RPS6KA2: variants seen among roughly 807,000 people sequenced by gnomAD.
The protein encoded by RPS6KA2 is ribosomal protein S6 kinase alpha-2.
A neutral mutation model predicts 91.8 loss-of-function variants in RPS6KA2; 42 were observed. The ratio of observed to expected loss-of-function variants is 0.46; its 90% CI spans 0.36 to 0.59. The LOEUF (loss-of-function observed/expected upper bound fraction) is 0.59. Among genes scored for constraint, RPS6KA2 ranks in the 20% least tolerant of loss-of-function variants. The pLI, the probability that RPS6KA2 is intolerant of heterozygous loss-of-function variation, is 0.00. For missense variants in RPS6KA2, 798 were observed against 978.5 expected (o/e 0.82, Z 2.46); for synonymous variants, 414 against 393.6 (o/e 1.05, Z -0.61).
rs892271119 is a variant in RPS6KA2, at chr6:166,571,962, A to C, written c.100-33178T>G. Among the ~76,000 whole-genome samples, 7 of 152,314 alleles carry C rather than the reference A, an allele frequency of 4.6e-5. No homozygotes were observed. The South Asian group carries it at 6.2e-4, about 14-fold the overall frequency. On this transcript the variant is annotated intron_variant, in intron 1 of 20. Transcript: ENST00000265678. ...TAGTGAAGAACAGTGGGGGGAATAA[A>C]ACCCTTACATCTTCTATATTGTCTT... is the stretch of plus-strand genomic sequence containing the variant.
At position 166,822,225 on chromosome 6, in the gene RPS6KA2, T is replaced by A. The variant is rs572449088; in HGVS notation, c.123+35975A>T. On this transcript the variant is annotated intron_variant, in intron 2 of 21. Transcript: ENST00000503859. The stretch of plus-strand genomic sequence containing the variant: ...GATATGTCCCTGCAAACTTCCTGCA[T>A]TGAAGTCCCGACTCCCAGCGCCTCA... 2.0e-5 allele frequency among the ~76,000 whole-genome samples: 3 copies of A among 152,338 alleles called. 1 individual carries two copies. In the South Asian group the frequency reaches 6.2e-4, roughly 32 times the overall value.
intron 2 of RPS6KA2, among the ~76,000 whole-genome samples, chr6:166,855,298 C>T (rs374749716): frequency 2.0e-5 from 3 of 151,264 alleles, no homozygotes; most frequent in Non-Finnish European, 4.4e-5. Context: ...ATCCACATAA[C>T]GAAACTGCAT....
chr6:166,614,665 G>A lies in RPS6KA2; in HGVS notation c.99+12256C>T, dbSNP rs1398142106. ...CCAGTTGTGGAGATCGGAAGTTCGG[G>A]ATCCATTTTGCTGGTGTTGGCAAGG... On this transcript the variant is annotated intron_variant, in intron 1 of 20. Transcript: ENST00000265678. Among the ~76,000 whole-genome samples the A allele has an allele frequency of 2.6e-5, 4 of 152,140 alleles. No homozygotes were observed. In the East Asian group the frequency reaches 7.7e-4, roughly 29 times the overall value.
chr6:166,742,325 TTC>T (rs1168368415), intron 2 of RPS6KA2, among the ~76,000 whole-genome samples: 1 of 152,206 alleles, frequency 6.6e-6, no homozygotes, highest in African/African-American at 2.4e-5. Context: ...AAATGTTGAA[TTC>T]TCTGATTTCT....
chr6:166,829,330 G>A (rs1780120296), intron 2 of RPS6KA2, among the ~76,000 whole-genome samples: 1 of 152,122 alleles, frequency 6.6e-6, no homozygotes, highest in Non-Finnish European at 1.5e-5. Context: ...GGTGGCTCAC[G>A]CCTGTAATCC....
At chr6:166,658,737 C>T (rs1199000374) in intron 2 of RPS6KA2, among the ~76,000 whole-genome samples, 1 of 152,154 alleles carries the variant, frequency 6.6e-6, no homozygotes, top group Non-Finnish European at 1.5e-5. Context: ...TTGAAGTTGG[C>T]AATTCTGACC....
At chr6:166,547,473 A>C (rs949257570) in intron 1 of RPS6KA2, among the ~76,000 whole-genome samples, 2 of 152,252 alleles carry the variant, frequency 1.3e-5, no homozygotes, top group Admixed American at 6.5e-5. Flanking sequence ...GCTGGTGCCC[A>C]ACTGGTCATG....
chr6:166,653,765 G>A (rs1787930689), intron 2 of RPS6KA2, among the ~76,000 whole-genome samples: 1 of 152,234 alleles, frequency 6.6e-6, no homozygotes, highest in Admixed American at 6.5e-5. Flanking sequence ...TTACAGGACA[G>A]AAGTAAGTGA....
chr6:166,687,328 A>G (rs943151170), intron 2 of RPS6KA2, among the ~76,000 whole-genome samples: 31 of 152,330 alleles, frequency 2.0e-4, no homozygotes, highest in African/African-American at 6.0e-4. Flanking sequence ...TGTAGTCTGC[A>G]CTGGACACGC....
chr6:166,862,009 T>C, intron 1 of RPS6KA2: 1 of 1,489,144 alleles, frequency 6.7e-7, no homozygotes, highest in Non-Finnish European at 9.3e-7. Flanking sequence ...CATAGTCACC[T>C]AATGGACATG....
At chr6:166,705,580 G>A (rs1414713301) in intron 2 of RPS6KA2, among the ~76,000 whole-genome samples, 2 of 152,132 alleles carry the variant, frequency 1.3e-5, no homozygotes, top group African/African-American at 4.8e-5. Context: ...GGTACTAAAG[G>A]TCCTTACAGA....
In RPS6KA2 at chr6:166,626,987, G is replaced by C. The variant is rs373161580; in HGVS notation, c.33C>G (p.Arg11=). Residue 11 remains arginine (R), a synonymous_variant, in exon 1 of 21, where the codon CGC becomes CGG. Transcript: ENST00000265678. This position sits in a 1 kb window ranked among gnomAD's most constrained non-coding sequence, Gnocchi z 4.1. MDLSMKKFAV[R]RFFSVYLRRK... ...TGCGCAGGTACACAGAGAAGAACCT[G>C]CGCACGGCGAACTTCTTCATGCTCA... The C allele has an allele frequency of 6.4e-7, 1 of 1,553,018 alleles. No individual in the cohort carries two copies. The highest frequency in any genetic ancestry group is 1.4e-5 in the African/African-American group (1 of 71,120).
At chr6:166,741,951 A>C (rs1583066055) in intron 2 of RPS6KA2, among the ~76,000 whole-genome samples, 1 of 151,980 alleles carries the variant, frequency 6.6e-6, no homozygotes, top group Admixed American at 6.6e-5. Flanking sequence ...ACATAGTGAA[A>C]CCCCCGTCTC....
At chr6:166,450,359 G>A (rs1779853887) in intron 13 of RPS6KA2, among the ~76,000 whole-genome samples, 1 of 148,500 alleles carries the variant, frequency 6.7e-6, no homozygotes, top group Non-Finnish European at 1.5e-5. Context: ...GGCCACCCTA[G>A]GCACCAGCAT....
chr6:166,725,287 AC>A (rs1790301174), intron 2 of RPS6KA2, among the ~76,000 whole-genome samples: 2 of 152,148 alleles, frequency 1.3e-5, no homozygotes, highest in Admixed American at 6.5e-5. Flanking sequence ...CTCCTTGAAA[AC>A]AACCTTAGCT....
At chr6:166,741,003 G>A (rs555579672) in intron 2 of RPS6KA2, among the ~76,000 whole-genome samples, 1 of 152,240 alleles carries the variant, frequency 6.6e-6, no homozygotes, top group Non-Finnish European at 1.5e-5. Context: ...ATGCCTACAT[G>A]CACAACTGCC....
chr6:166,862,569 C>G, upstream of RPS6KA2: 1 of 252,430 alleles, frequency 4.0e-6, no homozygotes, highest in Non-Finnish European at 7.8e-6. Context: ...CTGCCTCTCC[C>G]CCCTCCCTTC....
chr6:166,749,954 A>T lies in RPS6KA2; in HGVS notation c.123+108246T>A, dbSNP rs888939647. Among the ~76,000 whole-genome samples the T allele has an allele frequency of 2.6e-5, 4 of 151,576 alleles. No individual in the cohort carries two copies. In the East Asian group the frequency reaches 7.9e-4, roughly 30 times the overall value. ...GGGATACTGAGTGAGGAAAACAGAG[A>T]GGGCGGTGGAGGTGGCCACACAGTC... On this transcript the variant is annotated intron_variant, in intron 2 of 21. Transcript: ENST00000503859.
At chr6:166,525,685 T>C (rs1312281789) in intron 3 of RPS6KA2, among the ~76,000 whole-genome samples, 1 of 152,226 alleles carries the variant, frequency 6.6e-6, no homozygotes. Flanking sequence ...ATTTTTCTTT[T>C]TCAAAACATT....
Sources: gnomAD v4.1 joint callset for allele counts (sites outside exome capture counted in the v4.1 genomes callset) on GRCh38, gnomAD v4.1.1 for gene constraint, Gnocchi (gnomAD v3.1) non-coding constraint, MANE v1.5 for transcripts, NCBI Gene and HGNC (gene_info 2026-07-23, HGNC 2026-07-21) for gene names.